The following C3orf18 variants were observed in gnomAD, a reference collection of about 807,000 sequenced individuals.
C3orf18 encodes uncharacterized protein C3orf18.
A neutral mutation model predicts 14.1 loss-of-function variants in C3orf18; 12 were observed. The observed-to-expected ratio is 0.85, with a 90% confidence interval of 0.55 to 1.38. The LOEUF (loss-of-function observed/expected upper bound fraction) is 1.38. C3orf18 is among the 40% of genes most tolerant of loss of function. The pLI is 0.00. For missense variants in C3orf18, 196 were observed against 213.9 expected, an observed-to-expected ratio of 0.92 and a Z score of 0.52; for synonymous variants, 82 against 87.9, an observed-to-expected ratio of 0.93 and a Z score of 0.38.
Position 50,558,351 on chromosome 3 carries a change from C to G in C3orf18, c.*1306G>C, listed in dbSNP as rs763878895. ...TGCTTGTGTGCATATGTATGCCCAGCGTAAAAAAATGCCCTGCTCTTGTGG... is the reference window on the plus strand; with the variant it reads ...TGCTTGTGTGCATATGTATGCCCAGGGTAAAAAAATGCCCTGCTCTTGTGG... On this transcript the variant is annotated 3_prime_UTR_variant, in exon 6 of 6. Transcript: ENST00000357203. 4.1e-6 allele frequency: 1 copy of G among 242,574 alleles called. No homozygotes were observed. Among genetic ancestry groups the G allele is most frequent in the Non-Finnish European group, 8.2e-6 (1 of 121,826 alleles). 15.0% of individuals were successfully genotyped at this position (242,574 alleles called of 1,614,324 possible).
intron 3 of C3orf18, 187 bp from the exon 4 acceptor site, chr3:50,561,934 C>T: frequency 1.6e-6 from 1 of 643,122 alleles, no homozygotes; most frequent in Non-Finnish European, 2.8e-6. Context: ...GAGTCTTGCT[C>T]TGTCACCCAG....
intron 3 of C3orf18, chr3:50,562,590 TACA>T (rs1053776928): frequency 6.6e-6 from 3 of 455,936 alleles, no homozygotes; most frequent in African/African-American, 4.0e-5. Context: ...ACCCCGTCTC[TACA>T]ACATGTAAAA....
upstream of C3orf18, chr3:50,572,174 T>C (rs746556369): frequency 8.7e-6 from 14 of 1,613,878 alleles, no homozygotes; most frequent in Non-Finnish European, 1.2e-5. Context: ...CTAAGGATGG[T>C]GCCCCCAGTG....
upstream of C3orf18, among the ~76,000 whole-genome samples, chr3:50,568,755 GA>G (rs1054352533): frequency 2.8e-5 from 4 of 145,442 alleles, no homozygotes; most frequent in Non-Finnish European, 3.0e-5. Flanking sequence ...AAGAAAAAAA[GA>G]AAAAAAAAGT....
intron 4 of C3orf18, among the ~76,000 whole-genome samples, chr3:50,561,400 G>A (rs1030477911): frequency 4.6e-5 from 7 of 152,198 alleles, no homozygotes; most frequent in African/African-American, 1.4e-4. Context: ...GGAGCCAGTA[G>A]CAGTCAGCTC....
rs28546448 is a variant in C3orf18, at chr3:50,559,972, G to A, written c.409-235C>T. ...TTACTGTGTTGATTTAATTATGCAT[G>A]CACTGCCTTTTCCCAGTGGGGGATC... On this transcript the variant is annotated intron_variant, in intron 5 of 5. Coordinates refer to ENST00000357203, the MANE Select transcript of C3orf18 (RefSeq NM_016210.5). 9.5e-3 allele frequency among the ~76,000 whole-genome samples: 1,444 copies of A among 152,328 alleles called. 18 individuals are homozygous for A. Among genetic ancestry groups the A allele is most frequent in the African/African-American group, 0.033 (1,359 of 41,568 alleles).
upstream of C3orf18, among the ~76,000 whole-genome samples, chr3:50,568,938 T>A (rs937498429): frequency 6.6e-6 from 1 of 152,098 alleles, no homozygotes; most frequent in Non-Finnish European, 1.5e-5. Context: ...GAGCGGCCCC[T>A]GGGGTCTGGC....
At position 50,561,014 on chromosome 3, in the gene C3orf18, G is replaced by A. The variant is rs751745081; in HGVS notation, c.311C>T (p.Thr104Met). ...CTGCTCCAACTCATCTTGTTCCTCC[G>A]TGGGGTCGAAGTTGTACATGGGCAT... ...QLMPMYNFDP[T>M]EEQDELEQEL... The change falls in exon 5 of 6, where the codon ACG becomes ATG. Residue 104 changes from threonine to methionine, a missense_variant. Transcript: ENST00000357203. The A allele has an allele frequency of 1.4e-5, 23 of 1,614,164 alleles. No individual in the cohort carries two copies. Among genetic ancestry groups the A allele is most frequent in the South Asian group, 7.7e-5 (7 of 91,084 alleles).
chr3:50,566,671 TGGC>T (rs904934491), intron 1 of C3orf18, among the ~76,000 whole-genome samples: 14 of 152,038 alleles, frequency 9.2e-5, no homozygotes, highest in Admixed American at 6.5e-5. Flanking sequence ...TCTGGTTCTC[TGGC>T]GGGGCTTCTC....
Position 50,559,372 on chromosome 3 carries a change from T to G in C3orf18, c.*285A>C, listed in dbSNP as rs779665377. 9 of 1,326,530 alleles carry G rather than the reference T, an allele frequency of 6.8e-6. No individual in the cohort carries two copies. Among genetic ancestry groups the G allele is most frequent in the Non-Finnish European group, 7.8e-6 (8 of 1,031,728 alleles). The allele number at this position is 1,326,530 out of a possible 1,614,324, so 82.2% of individuals were successfully genotyped here. On this transcript the variant is annotated 3_prime_UTR_variant, in exon 6 of 6. Coordinates refer to ENST00000357203, the MANE Select transcript of C3orf18 (RefSeq NM_016210.5). ...TGATGTGAGGGATCTGGACAGGGGATGAGGAAGCCAGCAGAGGCTCTTGAC... is the reference window on the plus strand; with the variant it reads ...TGATGTGAGGGATCTGGACAGGGGAGGAGGAAGCCAGCAGAGGCTCTTGAC...
At chr3:50,563,063 G>T (rs1700087541) in intron 3 of C3orf18, among the ~76,000 whole-genome samples, 1 of 152,124 alleles carries the variant, frequency 6.6e-6, no homozygotes, top group African/African-American at 2.4e-5. Context: ...CAGCCCTGTG[G>T]TTTACCCCAA....
upstream of C3orf18, among the ~76,000 whole-genome samples, chr3:50,567,953 T>C (rs569136531): frequency 6.6e-6 from 1 of 152,300 alleles, no homozygotes; most frequent in East Asian, 1.9e-4. Flanking sequence ...GCCAGGCCCT[T>C]CCGGGCCAGA....
chr3:50,558,605 G>T lies in C3orf18; in HGVS notation c.*1052C>A. ...CAGGCAGTCATAACTGCCCCCTCTA[G>T]CCTGCAGCCTGTGATTACTGCCCTC... On this transcript the variant is annotated 3_prime_UTR_variant, in exon 6 of 6. Coordinates refer to ENST00000357203, the MANE Select transcript of C3orf18 (RefSeq NM_016210.5). The T allele has an allele frequency of 9.7e-7, 1 of 1,028,692 alleles. No homozygotes were observed. Among genetic ancestry groups the T allele is most frequent in the Non-Finnish European group, 1.3e-6 (1 of 779,104 alleles). The allele number at this position is 1,028,692 out of a possible 1,614,324, so 63.7% of individuals were successfully genotyped here. A position where few individuals can be genotyped will look rare whatever the true frequency, so the allele number is the denominator to read the frequency against.
upstream of C3orf18, chr3:50,571,620 C>T: frequency 8.3e-7 from 1 of 1,211,052 alleles, no homozygotes; most frequent in East Asian, 2.3e-5. Flanking sequence ...GCCTCCAGAC[C>T]AGTGCTGGGC....
intron 1 of C3orf18, among the ~76,000 whole-genome samples, chr3:50,566,828 G>A (rs1700333152): frequency 6.6e-6 from 1 of 152,212 alleles, no homozygotes; most frequent in Non-Finnish European, 1.5e-5. Context: ...TGGAAGCAGA[G>A]GGTGAGAGAT....
intron 1 of C3orf18, among the ~76,000 whole-genome samples, chr3:50,566,484 A>AACCC (rs1202902078): frequency 6.6e-6 from 1 of 151,796 alleles, no homozygotes; most frequent in Non-Finnish European, 1.5e-5. Flanking sequence ...AGCTCAGCAC[A>AACCC]ACCCCCATCC....
intron 3 of C3orf18, among the ~76,000 whole-genome samples, chr3:50,564,513 C>G (rs1469438481): frequency 6.6e-6 from 1 of 152,200 alleles, no homozygotes; most frequent in East Asian, 1.9e-4. Context: ...TGCTCCTCAG[C>G]TGTTCCTAAC....
At chr3:50,571,675 A>G (rs758596994), upstream of C3orf18, 19 of 1,603,732 alleles carry the variant, frequency 1.2e-5, no homozygotes, top group Non-Finnish European at 1.5e-5. Context: ...CCTTGGGCCC[A>G]GTGAGCCAGC....
chr3:50,573,192 G>T (rs1220265625), upstream of C3orf18, among the ~76,000 whole-genome samples: 4 of 152,152 alleles, frequency 2.6e-5, no homozygotes, highest in Non-Finnish European at 5.9e-5. Flanking sequence ...AGGCCTTGCT[G>T]AAGTCACAGG....
Sources: allele counts gnomAD v4.1 joint callset (sites outside exome capture counted in the v4.1 genomes callset), GRCh38; gene constraint gnomAD v4.1.1; transcripts MANE v1.5; gene names NCBI Gene and HGNC (gene_info 2026-07-23, HGNC 2026-07-21).